Variants in PTCHD4 observed in about 807,000 individuals in gnomAD.
The protein encoded by PTCHD4 is patched domain-containing protein 4.
A neutral mutation model predicts 58.1 loss-of-function variants in PTCHD4; 33 were observed. That is an observed-to-expected ratio of 0.57 (90% CI 0.43 to 0.76). PTCHD4 has a LOEUF of 0.76. Ranked by LOEUF, PTCHD4 falls within the 30% of genes least tolerant of loss-of-function variation. The probability of loss-of-function intolerance (pLI) is 0.00; values close to 1 mark genes in which losing one functional copy is unlikely to be tolerated. For synonymous variants in PTCHD4, 478 were observed against 409.6 expected, an observed-to-expected ratio of 1.17 and a Z score of -2.02; for missense variants, 1,058 against 1,027.1, an observed-to-expected ratio of 1.03 and a Z score of -0.41.
At chr6:47,975,246 A>G (rs1767649599) in intron 4 of PTCHD4, among the ~76,000 whole-genome samples, 1 of 152,200 alleles carries the variant, frequency 6.6e-6, no homozygotes, top group African/African-American at 2.4e-5. Flanking sequence ...TGAATAAGTA[A>G]ATGAATGACT....
intron 3 of PTCHD4, among the ~76,000 whole-genome samples, chr6:48,046,476 A>T (rs192114094): frequency 6.6e-6 from 1 of 151,990 alleles, no homozygotes; most frequent in East Asian, 1.9e-4. Flanking sequence ...TATATATTCA[A>T]TTAATAGGAT....
intron 4 of PTCHD4, among the ~76,000 whole-genome samples, chr6:47,995,203 T>C (rs138058335): frequency 1.3e-5 from 2 of 152,188 alleles, no homozygotes; most frequent in African/African-American, 4.8e-5. Context: ...GTCAGTGATA[T>C]TGATTCATCT....
At chr6:47,998,602 T>C (rs1174322335) in intron 4 of PTCHD4, among the ~76,000 whole-genome samples, 1 of 152,168 alleles carries the variant, frequency 6.6e-6, no homozygotes, top group Non-Finnish European at 1.5e-5. Context: ...AAAGAAGATG[T>C]AGAACCTTAA....
chr6:48,093,749 T>G (rs767625183), intron 1 of PTCHD4, among the ~76,000 whole-genome samples: 12 of 151,286 alleles, frequency 7.9e-5, no homozygotes, highest in South Asian at 2.1e-4. Flanking sequence ...AAGAAAAAAA[T>G]GGCGAGGAAA....
At chr6:48,003,890 C>G (rs1768839336) in intron 4 of PTCHD4, among the ~76,000 whole-genome samples, 1 of 152,168 alleles carries the variant, frequency 6.6e-6, no homozygotes, top group African/African-American at 2.4e-5. Context: ...TTCTCTCTGC[C>G]AGAGCCACTC....
chr6:47,964,476 C>T (rs1767211022), intron 4 of PTCHD4, among the ~76,000 whole-genome samples: 1 of 152,090 alleles, frequency 6.6e-6, no homozygotes, highest in Admixed American at 6.5e-5. Context: ...TTGACCAGAA[C>T]CTCATATGGA....
chr6:48,092,698 G>T (rs1316935958), intron 1 of PTCHD4, among the ~76,000 whole-genome samples: 2 of 152,140 alleles, frequency 1.3e-5, no homozygotes, highest in African/African-American at 4.8e-5. Context: ...GGCAGAAAGG[G>T]TCAGGACAGG....
At position 48,009,293 on chromosome 6, in the gene PTCHD4, A is replaced by G. The variant is rs1206517920; in HGVS notation, c.418-179T>C. On this transcript the variant is annotated intron_variant, in intron 3 of 4. Coordinates refer to ENST00000339488, the MANE Select transcript of PTCHD4 (RefSeq NM_001384253.1). Reference sequence around the variant, plus strand: ...AACATTTGGAGCTACATGGGATACCATGTATGATGATCAAGGGCAGAAAAT... The same window carrying G: ...AACATTTGGAGCTACATGGGATACCGTGTATGATGATCAAGGGCAGAAAAT... Among the ~76,000 whole-genome samples, 3 of 152,232 alleles carry G rather than the reference A, an allele frequency of 2.0e-5. No homozygotes were observed. The East Asian group carries it at 5.8e-4, about 29-fold the overall frequency.
chr6:47,868,963 C>G lies in PTCHD4; in HGVS notation c.*9340G>C, dbSNP rs1183474460. ...TGTTTTTAAGAAAACATACGGCAAA[C>G]TATATAAAATGAAATATTACTAAGA... On this transcript the variant is annotated 3_prime_UTR_variant, in exon 5 of 5. Coordinates refer to ENST00000339488, the MANE Select transcript of PTCHD4 (RefSeq NM_001384253.1). Among the ~76,000 whole-genome samples, 1 of 151,592 alleles carries G rather than the reference C, an allele frequency of 6.6e-6. No individual in the cohort carries two copies. The highest frequency in any genetic ancestry group is 2.4e-5 in the African/African-American group (1 of 41,326).
At chr6:48,106,762 C>A (rs1388059995) in intron 1 of PTCHD4, among the ~76,000 whole-genome samples, 2 of 152,158 alleles carry the variant, frequency 1.3e-5, no homozygotes, top group Admixed American at 1.3e-4. Context: ...TCTCAGGATA[C>A]AAAATCAATG....
At chr6:47,933,820 T>C (rs1765910363) in intron 4 of PTCHD4, among the ~76,000 whole-genome samples, 1 of 152,160 alleles carries the variant, frequency 6.6e-6, no homozygotes, top group South Asian at 2.1e-4. Flanking sequence ...AAACAATAAC[T>C]GAATTTACCT....
At chr6:48,005,102 G>A (rs1435643988) in intron 4 of PTCHD4, among the ~76,000 whole-genome samples, 2 of 151,976 alleles carry the variant, frequency 1.3e-5, no homozygotes, top group Non-Finnish European at 2.9e-5. Flanking sequence ...AAAAAATGTG[G>A]GATATTTAGG....
chr6:47,975,336 A>T (rs967562078), intron 4 of PTCHD4, among the ~76,000 whole-genome samples: 3 of 152,214 alleles, frequency 2.0e-5, no homozygotes, highest in African/African-American at 7.2e-5. Flanking sequence ...TTATTCAAAT[A>T]CCAAGGTATC....
rs1037466571 is a variant in PTCHD4 at position 47,875,656 on chromosome 6, A to T, written c.*2647T>A. Among the ~76,000 whole-genome samples the T allele has an allele frequency of 2.0e-5, 3 of 151,900 alleles. No homozygotes were observed. Among genetic ancestry groups the T allele is most frequent in the East Asian group, 3.9e-4 (2 of 5,142 alleles). On this transcript the variant is annotated 3_prime_UTR_variant, in exon 5 of 5. Transcript: ENST00000339488. The stretch of plus-strand genomic sequence containing the variant: ...ATTCATATTTATCTTAGACACTTTG[A>T]TCCTTGAAGACATAAACTAAAAAAG...
chr6:48,026,827 A>C (rs891811281), intron 3 of PTCHD4, among the ~76,000 whole-genome samples: 1 of 152,116 alleles, frequency 6.6e-6, no homozygotes, highest in African/African-American at 2.4e-5. Flanking sequence ...AAGATTACAT[A>C]TTGGGGCAGA....
intron 4 of PTCHD4, among the ~76,000 whole-genome samples, chr6:47,940,705 T>C (rs1766182247): frequency 6.6e-6 from 1 of 152,192 alleles, no homozygotes; most frequent in African/African-American, 2.4e-5. Context: ...TATGACTTAA[T>C]AGGAAAGTCA....
At chr6:48,056,191 C>T (rs1048079398) in intron 3 of PTCHD4, among the ~76,000 whole-genome samples, 28 of 152,062 alleles carry the variant, frequency 1.8e-4, no homozygotes, top group East Asian at 1.9e-4. Context: ...TAAATGTAAA[C>T]GAGATACAAT....
chr6:47,949,554 T>G (rs547275539), intron 4 of PTCHD4, among the ~76,000 whole-genome samples: 1 of 152,258 alleles, frequency 6.6e-6, no homozygotes, highest in East Asian at 1.9e-4. Flanking sequence ...GGGAATTTAT[T>G]GTATTGATTA....
At chr6:47,964,188 T>C (rs1015581600) in intron 4 of PTCHD4, among the ~76,000 whole-genome samples, 10 of 152,200 alleles carry the variant, frequency 6.6e-5, no homozygotes, top group African/African-American at 2.4e-4. Context: ...TCAATGGGTA[T>C]GAAGTTCAGC....
Sources: gnomAD v4.1 joint callset for allele counts (sites outside exome capture counted in the v4.1 genomes callset) on GRCh38, gnomAD v4.1.1 for gene constraint, MANE v1.5 for transcripts, NCBI Gene and HGNC (gene_info 2026-07-23, HGNC 2026-07-21) for gene names.